Variants in KIF15 observed in about 807,000 individuals in gnomAD.
KIF15 encodes kinesin family member 15, also known as kinesin-like protein KIF15.
Under a neutral mutation model 190.6 loss-of-function variants are expected in KIF15, and 140 were observed. The ratio of observed to expected loss-of-function variants is 0.73; its 90% confidence interval spans 0.64 to 0.84. KIF15 has a LOEUF of 0.84. KIF15 is among the 40% of genes least tolerant of loss of function. KIF15 has a pLI of 0.00. For missense variants in KIF15, 1,372 were observed against 1,584.4 expected, an observed-to-expected ratio of 0.87 and a Z score of 2.28; for synonymous variants, 528 against 551.3, an observed-to-expected ratio of 0.96 and a Z score of 0.59.
At chr3:44,865,616 G>A (rs1269500218) in intron 6 of KIF15, 1 of 166,548 alleles carries the variant, frequency 6.0e-6, no homozygotes, top group African/African-American at 2.4e-5. Flanking sequence ...ATGTATTATG[G>A]CAAGAAGAGG....
chr3:44,789,642 T>TTATATATATATATATA (rs56009369), intron 7 of KIF15, among the ~76,000 whole-genome samples: 6 of 113,614 alleles, frequency 5.3e-5, no homozygotes, highest in Admixed American at 9.2e-5. Flanking sequence ...TTGTCTAATT[T>TTATATATATATATATA]TATATATATA....
At chr3:44,768,581 C>T (rs988395139) in intron 1 of KIF15, among the ~76,000 whole-genome samples, 18 of 152,096 alleles carry the variant, frequency 1.2e-4, no homozygotes, top group African/African-American at 4.1e-4. Context: ...TTCCTTACTG[C>T]GCATGTGTTA....
At chr3:44,862,141 C>G (rs1699262274) in intron 6 of KIF15, 1 of 244,314 alleles carries the variant, frequency 4.1e-6, no homozygotes, top group East Asian at 2.0e-4. Flanking sequence ...GCTGTTGGTG[C>G]TGCTGCTGCG....
chr3:44,863,917 A>T (rs1699291757), intron 6 of KIF15: 1 of 443,346 alleles, frequency 2.3e-6, no homozygotes, highest in Non-Finnish European at 4.1e-6. Flanking sequence ...AGTAGAAAAT[A>T]CTGGCTTTGG....
chr3:44,826,542 C>A, intron 22 of KIF15, 82 bp downstream of exon 22: 4 of 927,728 alleles, frequency 4.3e-6, no homozygotes, highest in Non-Finnish European at 4.9e-6. Context: ...TTTTTATTGC[C>A]AATACCCTGT....
chr3:44,827,627 G>T, intron 23 of KIF15, 99 bp downstream of exon 23: 1 of 618,540 alleles, frequency 1.6e-6, no homozygotes. Flanking sequence ...TGCAGATGTT[G>T]GAAATTAGTA....
intron 26 of KIF15, among the ~76,000 whole-genome samples, chr3:44,835,675 G>A (rs1698275142): frequency 6.6e-6 from 1 of 152,112 alleles, no homozygotes; most frequent in Non-Finnish European, 1.5e-5. Flanking sequence ...ATCCAGTGTT[G>A]GACTGATGAT....
chr3:44,786,519 T>G lies in KIF15; in HGVS notation c.584T>G (p.Val195Gly), dbSNP rs1575592198. The change falls in exon 7 of 35, where the codon GTC becomes GGC. Residue 195 changes from valine (V) to glycine (G), a missense_variant. By Grantham distance (109) the Val-to-Gly change is moderately radical. Coordinates refer to ENST00000326047, the MANE Select transcript of KIF15 (RefSeq NM_020242.3). ...LYLREHIKKG[V>G]FVVGAVEQVV... The stretch of plus-strand genomic sequence containing the variant: ...TTAAGGGAGCATATCAAGAAGGGAG[T>G]CTTTGTTGTTGGTGCGGTGGAGCAG... 1 of 1,612,148 alleles carries G rather than the reference T, an allele frequency of 6.2e-7. No individual in the cohort carries two copies. Among genetic ancestry groups the G allele is most frequent in the Non-Finnish European group, 8.5e-7 (1 of 1,179,016 alleles).
chr3:44,834,646 G>A lies in KIF15; in HGVS notation c.3171+3628G>A, dbSNP rs553112541. Among the ~76,000 whole-genome samples the A allele has an allele frequency of 1.3e-3, 196 of 152,254 alleles. 1 individual carries two copies. The highest frequency in any genetic ancestry group is 1.5e-3 in the Non-Finnish European group (99 of 68,020). On this transcript the variant is annotated intron_variant, in intron 26 of 34. Transcript: ENST00000326047. ...AGAAAGAATAGCTTTACTGGGGCTG[G>A]GCACTGTGGCTCACGCCTGTAATCT...
downstream of KIF15, among the ~76,000 whole-genome samples, chr3:44,858,233 A>G (rs1431622909): frequency 6.6e-6 from 1 of 152,202 alleles, no homozygotes; most frequent in Non-Finnish European, 1.5e-5. Context: ...TGGGCACTAC[A>G]GGGTGGATAG....
chr3:44,789,317 ATTAC>A (rs1424180851), intron 7 of KIF15, among the ~76,000 whole-genome samples: 1 of 151,898 alleles, frequency 6.6e-6, no homozygotes, highest in Non-Finnish European at 1.5e-5. Context: ...TGACTCATGA[ATTAC>A]TTAGAAATGT....
intron 26 of KIF15, among the ~76,000 whole-genome samples, chr3:44,833,628 T>A (rs762743471): frequency 0.045 from 6,918 of 152,236 alleles, 205 homozygotes; most frequent in Non-Finnish European, 0.065. Flanking sequence ...GGGGAATGGC[T>A]GTAAATACAG....
intron 5 of KIF15, among the ~76,000 whole-genome samples, chr3:44,783,453 T>A (rs1411955705): frequency 1.3e-5 from 2 of 152,082 alleles, no homozygotes; most frequent in African/African-American, 2.4e-5. Flanking sequence ...CTCACTCCCA[T>A]GAGAATGGCA....
At chr3:44,843,841 ACTTTC>A (rs755485197) in intron 30 of KIF15, among the ~76,000 whole-genome samples, 20 of 152,276 alleles carry the variant, frequency 1.3e-4, no homozygotes, top group Non-Finnish European at 2.5e-4. Context: ...TTAGTACTTC[ACTTTC>A]CTTAACAATA....
intron 1 of KIF15, among the ~76,000 whole-genome samples, chr3:44,762,200 C>T (rs1287973581): frequency 1.3e-5 from 2 of 152,244 alleles, no homozygotes; most frequent in African/African-American, 2.4e-5. Flanking sequence ...CCTCTTCCCA[C>T]ATCCCGACCA....
At chr3:44,868,670 T>C (rs1283800377) in intron 6 of KIF15, among the ~76,000 whole-genome samples, 1 of 152,180 alleles carries the variant, frequency 6.6e-6, no homozygotes, top group Admixed American at 6.5e-5. Context: ...AGAAAATAAA[T>C]ATCTGTTGTT....
chr3:44,867,627 A>G (rs1338021746), intron 6 of KIF15, among the ~76,000 whole-genome samples: 3 of 152,364 alleles, frequency 2.0e-5, no homozygotes, highest in East Asian at 3.9e-4. Flanking sequence ...CTATCACTCA[A>G]TTCAACAAAT....
chr3:44,770,329 C>T (rs185367906), intron 1 of KIF15, among the ~76,000 whole-genome samples: 21 of 152,308 alleles, frequency 1.4e-4, no homozygotes, highest in African/African-American at 4.8e-4. Context: ...TTTAGATTGG[C>T]TTTGATGGAA....
At chr3:44,823,619 G>A (rs977319545) in intron 20 of KIF15, among the ~76,000 whole-genome samples, 1 of 152,226 alleles carries the variant, frequency 6.6e-6, no homozygotes, top group Non-Finnish European at 1.5e-5. Flanking sequence ...GCCCCCACAG[G>A]TGGAATCTAT....
Sources: allele counts gnomAD v4.1 joint callset (sites outside exome capture counted in the v4.1 genomes callset), GRCh38; gene constraint gnomAD v4.1.1; transcripts MANE v1.5; gene names NCBI Gene and HGNC (gene_info 2026-07-23, HGNC 2026-07-21).